Variants in MCM9 observed in about 807,000 individuals in gnomAD.
MCM9 encodes DNA helicase MCM9.
Under a neutral mutation model 72.8 loss-of-function variants are expected in MCM9, and 55 were observed. The ratio of observed to expected loss-of-function variants is 0.76; its 90% confidence interval spans 0.61 to 0.95. MCM9 has a LOEUF of 0.95. Ranked by LOEUF, MCM9 falls within the 40% of genes least tolerant of loss-of-function variation. MCM9 has a pLI of 0.00. For synonymous variants in MCM9, 480 were observed against 503.4 expected, an observed-to-expected ratio of 0.95 and a Z score of 0.62; for missense variants, 1,279 against 1,377.0, an observed-to-expected ratio of 0.93 and a Z score of 1.13.
chr6:118,866,594 T>G (rs1279029325), intron 8 of MCM9, among the ~76,000 whole-genome samples: 1 of 152,174 alleles, frequency 6.6e-6, no homozygotes, highest in African/African-American at 2.4e-5. Context: ...AGTAGAAGAA[T>G]AGATTGGTTA....
At chr6:118,875,438 T>C (rs1777874288) in intron 8 of MCM9, among the ~76,000 whole-genome samples, 1 of 151,908 alleles carries the variant, frequency 6.6e-6, no homozygotes, top group African/African-American at 2.4e-5. Context: ...TGTGTTTCAA[T>C]AGTAGCCCAG....
intron 3 of MCM9, among the ~76,000 whole-genome samples, 192 bp downstream of exon 3, chr6:118,931,228 G>A (rs1026241276): frequency 6.6e-6 from 1 of 152,114 alleles, no homozygotes; most frequent in Non-Finnish European, 1.5e-5. Context: ...CCTCCCCTCA[G>A]TGGGCAAGAC....
chr6:118,840,966 C>T (rs1009145906), intron 9 of MCM9, among the ~76,000 whole-genome samples: 1 of 152,114 alleles, frequency 6.6e-6, no homozygotes, highest in Admixed American at 6.5e-5. Context: ...AACTCCTAGG[C>T]TTAAGCAATC....
chr6:118,826,422 T>C (rs1425900325), intron 12 of MCM9, 130 bp from the exon 13 acceptor site: 32 of 937,636 alleles, frequency 3.4e-5, no homozygotes, highest in Non-Finnish European at 4.7e-5. Flanking sequence ...TGAAAATCAC[T>C]TGGGAGGCTT....
intron 8 of MCM9, among the ~76,000 whole-genome samples, chr6:118,899,374 T>C (rs115923982): frequency 0.01 from 1,579 of 152,286 alleles, 30 homozygotes; most frequent in African/African-American, 0.036. Context: ...GGTGCTTTCC[T>C]CCTTCCTTTC....
intron 9 of MCM9, among the ~76,000 whole-genome samples, chr6:118,854,254 T>C (rs2114674930): frequency 6.6e-6 from 1 of 152,338 alleles, no homozygotes; most frequent in South Asian, 2.1e-4. Context: ...TAGTACAATA[T>C]TGACCAGAAA....
intron 7 of MCM9, chr6:118,912,258 A>G (rs931998962): frequency 1.8e-4 from 27 of 152,254 alleles, no homozygotes; most frequent in African/African-American, 6.3e-4. Context: ...ATTTTATTCT[A>G]TTTTTATTTA....
At chr6:118,827,797 AT>A in intron 11 of MCM9, 129 bp downstream of exon 11, 1 of 822,898 alleles carries the variant, frequency 1.2e-6, no homozygotes, top group Admixed American at 2.8e-5. Flanking sequence ...CAGAGCCTTT[AT>A]TTTTAAGTGA....
At chr6:118,846,837 T>G (rs953388883) in intron 9 of MCM9, among the ~76,000 whole-genome samples, 1 of 151,648 alleles carries the variant, frequency 6.6e-6, no homozygotes, top group Non-Finnish European at 1.5e-5. Context: ...CTAATAATGA[T>G]TCAGAAAAAC....
In MCM9 at chr6:118,917,705, C is replaced by A. The variant is rs1037106785; in HGVS notation, c.760G>T (p.Asp254Tyr). The change falls in exon 6 of 14, where the codon GAT (aspartate) becomes TAT (tyrosine). Residue 254 changes from aspartate to tyrosine, a missense_variant. By Grantham distance (160) the Asp-to-Tyr change is radical. Coordinates refer to ENST00000619706, the MANE Select transcript of MCM9 (RefSeq NM_017696.3). Reference sequence around the variant, plus strand: ...ACTATCTCCACTTCACAGCGCACATCTTGCTGAAAGGGCTTCCACCGTTGC... The same window carrying A: ...ACTATCTCCACTTCACAGCGCACATATTGCTGAAAGGGCTTCCACCGTTGC... ...VMQRWKPFQQ[D>Y]VRCEVEIVLK... 3 of 1,614,076 alleles carry A rather than the reference C, an allele frequency of 1.9e-6. No individual in the cohort carries two copies. The highest frequency in any genetic ancestry group is 2.5e-6 in the Non-Finnish European group (3 of 1,180,018).
At chr6:118,868,643 C>G (rs754474200) in intron 8 of MCM9, among the ~76,000 whole-genome samples, 3 of 152,152 alleles carry the variant, frequency 2.0e-5, no homozygotes, top group Non-Finnish European at 4.4e-5. Context: ...GACATCTATG[C>G]AGCCAACAGA....
chr6:118,834,469 A>C (rs1477902463), intron 9 of MCM9, among the ~76,000 whole-genome samples: 2 of 151,996 alleles, frequency 1.3e-5, no homozygotes, highest in Non-Finnish European at 2.9e-5. Context: ...TAATTTACAC[A>C]CCCACCAACA....
rs138204904 is a variant in MCM9, at chr6:118,882,511, T to C, written c.1151-25966A>G. Among the ~76,000 whole-genome samples the C allele has an allele frequency of 3.8e-3, 585 of 152,294 alleles. 6 individuals are homozygous for C. Among genetic ancestry groups the C allele is most frequent in the African/African-American group, 0.013 (558 of 41,554 alleles). ...TGGGGTCAGAACAAACCTCAAGTAC[T>C]GGATTCAAAAAGTATCCCTGACCAA... On this transcript the variant is annotated intron_variant, in intron 8 of 13. Transcript: ENST00000619706.
At chr6:118,897,631 T>C (rs563775033) in intron 8 of MCM9, among the ~76,000 whole-genome samples, 6 of 152,234 alleles carry the variant, frequency 3.9e-5, no homozygotes, top group Admixed American at 3.9e-4. Flanking sequence ...ACTTCCCTCA[T>C]TCACTCACTC....
chr6:118,923,010 C>G (rs1781557056), intron 4 of MCM9, among the ~76,000 whole-genome samples: 2 of 107,868 alleles, frequency 1.9e-5, no homozygotes. Context: ...CCAGCCTGGG[C>G]AACAGTGAAA....
At position 118,826,387 on chromosome 6, in the gene MCM9, G is replaced by A. The variant is rs1774168734; in HGVS notation, c.1816-95C>T. On this transcript the variant is annotated intron_variant, in intron 12 of 13. Transcript: ENST00000619706. ...CCAGCAATCCCCGGGGGCTAAGACC[G>A]CCGTTTACACCCCTATACTGGGTAT... The A allele has an allele frequency of 1.1e-5, 15 of 1,307,164 alleles. No homozygotes were observed. In the East Asian group the frequency reaches 2.8e-4, roughly 24 times the overall value. The allele number at this position is 1,307,164 out of a possible 1,614,324, so 81.0% of individuals were successfully genotyped here. A position where few individuals can be genotyped will look rare whatever the true frequency, so the allele number is the denominator to read the frequency against.
chr6:118,915,638 G>A (rs1224909093), intron 6 of MCM9, among the ~76,000 whole-genome samples: 3 of 152,072 alleles, frequency 2.0e-5, no homozygotes, highest in Non-Finnish European at 4.4e-5. Context: ...AAATGAAGAT[G>A]TTCTGTTGGA....
chr6:118,835,442 G>A (rs1583374755), intron 9 of MCM9, among the ~76,000 whole-genome samples: 1 of 152,196 alleles, frequency 6.6e-6, no homozygotes, highest in African/African-American at 2.4e-5. Flanking sequence ...ACTTTGAGCA[G>A]TATGGCCATT....
chr6:118,905,669 A>G, intron 8 of MCM9: 1 of 1,612,524 alleles, frequency 6.2e-7, no homozygotes, highest in Non-Finnish European at 8.5e-7. Flanking sequence ...CACCTAATCC[A>G]GGACTCATTC....
Sources: allele counts gnomAD v4.1 joint callset (sites outside exome capture counted in the v4.1 genomes callset), GRCh38; gene constraint gnomAD v4.1.1; transcripts MANE v1.5; gene names NCBI Gene and HGNC (gene_info 2026-07-23, HGNC 2026-07-21).